Variants in MYO18A observed in about 807,000 individuals in gnomAD.
MYO18A encodes unconventional myosin-XVIIIa.
Under a neutral mutation model 235.8 loss-of-function variants are expected in MYO18A, and 78 were observed. The ratio of observed to expected loss-of-function variants is 0.33; its 90% CI spans 0.28 to 0.40. MYO18A has a LOEUF of 0.40. Ranked by LOEUF, MYO18A falls within the 10% of genes least tolerant of loss-of-function variation. The pLI, the probability that MYO18A is intolerant of heterozygous loss-of-function variation, is 1.00. For synonymous variants in MYO18A, 977 were observed against 1,077.8 expected (o/e 0.91, Z 1.83); for missense variants, 2,215 against 2,699.3 (o/e 0.82, Z 3.98).
At chr17:29,130,494 A>T (rs867527760) in intron 2 of MYO18A, among the ~76,000 whole-genome samples, 7,796 of 125,034 alleles carry the variant, frequency 0.062, 475 homozygotes, top group African/African-American at 0.14. Context: ...ACACACACAC[A>T]CACACACACA....
chr17:29,083,530 G>GCACACACA (rs1384155972), intron 40 of MYO18A, among the ~76,000 whole-genome samples: 46 of 140,306 alleles, frequency 3.3e-4, no homozygotes, highest in African/African-American at 1.0e-3. Flanking sequence ...GTGCGCGCGC[G>GCACACACA]CGCACACACA....
intron 31 of MYO18A, 100 bp from the exon 32 acceptor site, chr17:29,093,527 G>T: frequency 1.2e-6 from 1 of 828,754 alleles, no homozygotes; most frequent in Non-Finnish European, 2.0e-6. Flanking sequence ...AAACAGTGGG[G>T]CAGGCCTGAG....
intron 1 of MYO18A, among the ~76,000 whole-genome samples, chr17:29,168,463 A>G (rs551307594): frequency 1.3e-5 from 2 of 150,866 alleles, no homozygotes; most frequent in African/African-American, 4.8e-5. Context: ...TGGAAATTAA[A>G]TGACATTTTT....
intron 26 of MYO18A, 26 bp from the exon 27 acceptor site, chr17:29,097,376 G>A: frequency 6.2e-7 from 1 of 1,603,764 alleles, no homozygotes; most frequent in East Asian, 2.2e-5. Flanking sequence ...AGACAAGGGA[G>A]GATGGAGGTG....
intron 2 of MYO18A, among the ~76,000 whole-genome samples, chr17:29,143,388 G>T (rs550004119): frequency 1.3e-5 from 2 of 149,598 alleles, no homozygotes; most frequent in African/African-American, 4.9e-5. Context: ...ATGCACCACC[G>T]TGCCACCATG....
chr17:29,131,878 C>T (rs1014225820), intron 2 of MYO18A, among the ~76,000 whole-genome samples: 3 of 152,158 alleles, frequency 2.0e-5, no homozygotes, highest in Non-Finnish European at 2.9e-5. Context: ...TAAAAGTAAC[C>T]CAGTGTGGGT....
Position 29,072,744 on chromosome 17 carries a change from C to T in MYO18A, c.*2026G>A, listed in dbSNP as rs1369672154. The T allele has an allele frequency of 6.6e-6, 1 of 152,122 alleles. No individual in the cohort carries two copies. Among genetic ancestry groups the T allele is most frequent in the African/African-American group, 2.4e-5 (1 of 41,398 alleles). 9.4% of individuals were successfully genotyped at this position (152,122 alleles called of 1,614,324 possible). The stretch of plus-strand genomic sequence containing the variant: ...CACTTGGGCTGTTTGCTATTTTTTC[C>T]CACCCATCTGTCCAAACTACTTTAT... On this transcript the variant is annotated 3_prime_UTR_variant, in exon 42 of 42. Transcript: ENST00000527372.
At chr17:29,101,333 T>A (rs1043140314) in intron 21 of MYO18A, among the ~76,000 whole-genome samples, 1 of 151,692 alleles carries the variant, frequency 6.6e-6, no homozygotes, top group African/African-American at 2.4e-5. Context: ...GGAGACAGAG[T>A]CTTGCTCTGT....
At chr17:29,165,724 G>C (rs1057022115) in intron 2 of MYO18A, among the ~76,000 whole-genome samples, 1 of 152,188 alleles carries the variant, frequency 6.6e-6, no homozygotes, top group Non-Finnish European at 1.5e-5. Flanking sequence ...CCTGGTGGGG[G>C]TGCTGTTTGT....
chr17:29,131,301 A>C, intron 2 of MYO18A: 13 of 788,066 alleles, frequency 1.6e-5, no homozygotes, highest in Non-Finnish European at 2.0e-5. Flanking sequence ...AAACACACAC[A>C]CGCACACACA....
rs542013074 is a variant in MYO18A, at chr17:29,074,670, G to A, written c.*100C>T. 9.8e-6 allele frequency: 13 copies of A among 1,328,228 alleles called. No individual in the cohort carries two copies. The East Asian group carries it at 2.8e-4, about 28-fold the overall frequency. The allele number at this position is 1,328,228 out of a possible 1,614,324, so 82.3% of individuals were successfully genotyped here. ...GTCAGGGTGTTTCCCATGCAGATCA[G>A]CAGTCGGGTGGGGGAGACCGGTGCC... On this transcript the variant is annotated 3_prime_UTR_variant, in exon 42 of 42. Transcript: ENST00000527372. The surrounding 1 kb of genome is among the most constrained non-coding windows in gnomAD (Gnocchi z 4.4).
At chr17:29,123,386 T>C (rs551576682) in intron 2 of MYO18A, among the ~76,000 whole-genome samples, 1 of 152,310 alleles carries the variant, frequency 6.6e-6, no homozygotes, top group Admixed American at 6.5e-5. Context: ...TGAGGCACAG[T>C]CAGCCTGAAA....
chr17:29,088,413 G>A (rs573919950), intron 37 of MYO18A, among the ~76,000 whole-genome samples: 16 of 152,142 alleles, frequency 1.1e-4, no homozygotes, highest in East Asian at 3.9e-4. Context: ...CTGTGACCCC[G>A]CCTTGGAAGG....
At chr17:29,161,112 TG>T (rs1314099243) in intron 2 of MYO18A, among the ~76,000 whole-genome samples, 1 of 152,100 alleles carries the variant, frequency 6.6e-6, no homozygotes, top group Non-Finnish European at 1.5e-5. Flanking sequence ...CCCAGCACTT[TG>T]GGAGGCCGAG....
rs2067115294 is a variant in MYO18A, at chr17:29,118,075, A to G, written c.2008T>C (p.Tyr670His). 1.9e-6 allele frequency: 3 copies of G among 1,590,066 alleles called. No homozygotes were observed. The highest frequency in any genetic ancestry group is 2.6e-6 in the Non-Finnish European group (3 of 1,168,232). ...KACWFILAAI[Y>H]HLGAAGATKE... Reference sequence around the variant, plus strand: ...GTGGCTCCCGCAGCCCCCAGGTGGTAGATGGCAGCCAGAATGAACCAGCAG... The same window carrying G: ...GTGGCTCCCGCAGCCCCCAGGTGGTGGATGGCAGCCAGAATGAACCAGCAG... Residue 670 changes from tyrosine (Y) to histidine (H), a missense_variant, in exon 10 of 42, where the codon TAC becomes CAC. By Grantham distance (83) the Tyr-to-His change is moderately conservative. Coordinates refer to ENST00000527372, the MANE Select transcript of MYO18A (RefSeq NM_078471.4). This position sits in a 1 kb window ranked among gnomAD's most constrained non-coding sequence, Gnocchi z 4.2.
At chr17:29,116,088 A>G (rs1237974757) in intron 11 of MYO18A, among the ~76,000 whole-genome samples, 2 of 152,192 alleles carry the variant, frequency 1.3e-5, no homozygotes, top group African/African-American at 4.8e-5. Context: ...AGGGCAACAA[A>G]CCAGCTGCAA....
intron 40 of MYO18A, among the ~76,000 whole-genome samples, chr17:29,084,398 G>A (rs1294174784): frequency 6.6e-6 from 1 of 152,218 alleles, no homozygotes; most frequent in Non-Finnish European, 1.5e-5. Flanking sequence ...AAGCTGGCCT[G>A]CCTGCCCTCG....
intron 2 of MYO18A, among the ~76,000 whole-genome samples, chr17:29,132,797 ACTT>A (rs1246090615): frequency 2.0e-5 from 3 of 152,178 alleles, no homozygotes; most frequent in Admixed American, 6.5e-5. Context: ...AGTGGAGCCT[ACTT>A]CTTTAAGAAT....
chr17:29,135,204 C>T (rs2067568528), intron 2 of MYO18A, among the ~76,000 whole-genome samples: 1 of 151,644 alleles, frequency 6.6e-6, no homozygotes, highest in African/African-American at 2.4e-5. Context: ...GGGTTCACGC[C>T]ATTCTCCTGC....
Sources: gnomAD v4.1 joint callset for allele counts (sites outside exome capture counted in the v4.1 genomes callset) on GRCh38, gnomAD v4.1.1 for gene constraint, Gnocchi (gnomAD v3.1) non-coding constraint, MANE v1.5 for transcripts, NCBI Gene and HGNC (gene_info 2026-07-23, HGNC 2026-07-21) for gene names.